EMCN: variants seen among roughly 807,000 people sequenced by gnomAD.
EMCN encodes the protein endomucin.
EMCN carries 37 observed loss-of-function variants against 38.4 expected under a neutral mutation model. That is an observed-to-expected ratio of 0.96 (90% confidence interval 0.74 to 1.27). The LOEUF (loss-of-function observed/expected upper bound fraction) is 1.27. Ranked by LOEUF, EMCN falls within the 50% of genes most tolerant of loss-of-function variation. The probability of loss-of-function intolerance (pLI) is 0.00; values close to 1 mark genes in which losing one functional copy is unlikely to be tolerated. For missense variants in EMCN, 318 were observed against 302.8 expected, an observed-to-expected ratio of 1.05 and a Z score of -0.37; for synonymous variants, 95 against 100.8, an observed-to-expected ratio of 0.94 and a Z score of 0.35.
chr4:100,472,833 G>T (rs1003138521), intron 3 of EMCN, among the ~76,000 whole-genome samples: 2 of 151,614 alleles, frequency 1.3e-5, no homozygotes, highest in Non-Finnish European at 2.9e-5. Context: ...CATATTAGGT[G>T]GATGCAAATG....
intron 3 of EMCN, among the ~76,000 whole-genome samples, chr4:100,466,597 C>T (rs553019724): frequency 6.6e-6 from 1 of 152,164 alleles, no homozygotes; most frequent in Non-Finnish European, 1.5e-5. Flanking sequence ...AGTGTTAATC[C>T]TGCATATGAG....
chr4:100,421,557 T>C (rs1358199426), intron 7 of EMCN, among the ~76,000 whole-genome samples, 180 bp from the exon 8 acceptor site: 1 of 152,080 alleles, frequency 6.6e-6, no homozygotes, highest in East Asian at 1.9e-4. Context: ...ATCTTTGACA[T>C]AACCACTTGA....
At chr4:100,433,724 C>T (rs148931693) in intron 5 of EMCN, among the ~76,000 whole-genome samples, 4 of 151,860 alleles carry the variant, frequency 2.6e-5, no homozygotes, top group African/African-American at 7.2e-5. Flanking sequence ...TTAGTAGGGA[C>T]GGGGTTTCAC....
At chr4:100,511,895 T>C (rs541602918) in intron 1 of EMCN, among the ~76,000 whole-genome samples, 1 of 152,062 alleles carries the variant, frequency 6.6e-6, no homozygotes, top group African/African-American at 2.4e-5. Context: ...AGCAGGAATA[T>C]AAGAGAAAAG....
At chr4:100,460,132 G>T (rs1466104855) in intron 4 of EMCN, among the ~76,000 whole-genome samples, 6 of 152,116 alleles carry the variant, frequency 3.9e-5, no homozygotes, top group African/African-American at 1.4e-4. Flanking sequence ...CAGGTATGAG[G>T]TGATAACTCA....
chr4:100,464,665 C>G (rs769597100), intron 4 of EMCN, among the ~76,000 whole-genome samples: 1 of 151,968 alleles, frequency 6.6e-6, no homozygotes, highest in Non-Finnish European at 1.5e-5. Flanking sequence ...TGTTGTATTA[C>G]TTTCTTTGGT....
At chr4:100,401,659 C>A (rs1274777305) in intron 11 of EMCN, among the ~76,000 whole-genome samples, 1 of 152,138 alleles carries the variant, frequency 6.6e-6, no homozygotes, top group Non-Finnish European at 1.5e-5. Context: ...ATCAGGGCAC[C>A]ATTAAGAAAA....
chr4:100,461,928 G>A (rs531970645), intron 4 of EMCN, among the ~76,000 whole-genome samples: 271 of 152,254 alleles, frequency 1.8e-3, no homozygotes, highest in Non-Finnish European at 3.2e-3. Context: ...TCTCTGTCCT[G>A]TATCCACTAA....
intron 1 of EMCN, among the ~76,000 whole-genome samples, chr4:100,503,607 T>G (rs1489892756): frequency 6.6e-6 from 1 of 152,010 alleles, no homozygotes; most frequent in Non-Finnish European, 1.5e-5. Flanking sequence ...AAGACAGGGT[T>G]TTGCTCTGTC....
At chr4:100,481,799 A>T (rs1407747279) in intron 1 of EMCN, among the ~76,000 whole-genome samples, 1 of 152,072 alleles carries the variant, frequency 6.6e-6, no homozygotes, top group Non-Finnish European at 1.5e-5. Flanking sequence ...CCTAAATAGT[A>T]ACATTCTTAA....
chr4:100,495,876 G>A (rs1031327380), intron 1 of EMCN, among the ~76,000 whole-genome samples: 1 of 151,946 alleles, frequency 6.6e-6, no homozygotes, highest in African/African-American at 2.4e-5. Flanking sequence ...TGAATAGCTA[G>A]AATCATCAAA....
At chr4:100,441,779 C>T (rs978434395) in intron 5 of EMCN, among the ~76,000 whole-genome samples, 2 of 152,064 alleles carry the variant, frequency 1.3e-5, no homozygotes, top group Non-Finnish European at 2.9e-5. Context: ...TATACATTTA[C>T]CTTTCCCCTC....
At chr4:100,494,787 CTT>C (rs143538440) in intron 1 of EMCN, among the ~76,000 whole-genome samples, 2 of 147,404 alleles carry the variant, frequency 1.4e-5, no homozygotes, top group African/African-American at 2.5e-5. Context: ...ACTTGTTATA[CTT>C]TTTTTTTTGC....
intron 8 of EMCN, among the ~76,000 whole-genome samples, chr4:100,419,178 A>G (rs1260050799): frequency 6.6e-6 from 1 of 152,100 alleles, no homozygotes; most frequent in African/African-American, 2.4e-5. Flanking sequence ...TTATTTGGTT[A>G]AAGTTCAGTC....
At chr4:100,515,435 C>A (rs992009410) in intron 1 of EMCN, among the ~76,000 whole-genome samples, 5 of 151,934 alleles carry the variant, frequency 3.3e-5, no homozygotes, top group Admixed American at 1.3e-4. Flanking sequence ...TACCACCAAC[C>A]AAGTAATAAA....
chr4:100,477,644 A>T lies in EMCN; in HGVS notation c.187+2273T>A, dbSNP rs571797584. Among the ~76,000 whole-genome samples the T allele has an allele frequency of 2.4e-4, 37 of 152,356 alleles. No individual in the cohort carries two copies. In the South Asian group the frequency reaches 7.7e-3, roughly 32 times the overall value. On this transcript the variant is annotated intron_variant, in intron 2 of 11. Coordinates refer to ENST00000296420, the MANE Select transcript of EMCN (RefSeq NM_016242.4). Reference sequence around the variant, plus strand: ...CTAGACCAATGATCTTTTGACCTTTAAACAAAAGAATTCTGATTAGGAAGC... The same window carrying T: ...CTAGACCAATGATCTTTTGACCTTTTAACAAAAGAATTCTGATTAGGAAGC...
chr4:100,444,499 T>C (rs1053637660), intron 5 of EMCN, among the ~76,000 whole-genome samples: 1 of 152,066 alleles, frequency 6.6e-6, no homozygotes, highest in African/African-American at 2.4e-5. Flanking sequence ...TTGAGGGGCA[T>C]GACTGCTCTG....
chr4:100,423,911 T>A (rs1726971090), intron 5 of EMCN, among the ~76,000 whole-genome samples: 1 of 152,122 alleles, frequency 6.6e-6, no homozygotes, highest in Non-Finnish European at 1.5e-5. Context: ...AGAAGACTCC[T>A]TCATTTTCAT....
intron 5 of EMCN, among the ~76,000 whole-genome samples, chr4:100,438,795 G>T (rs138563444): frequency 3.3e-5 from 5 of 151,692 alleles, no homozygotes; most frequent in Admixed American, 6.6e-5. Context: ...TTTTAATCAA[G>T]AATTGATGTT....
Sources: gnomAD v4.1 joint callset for allele counts (sites outside exome capture counted in the v4.1 genomes callset) on GRCh38, gnomAD v4.1.1 for gene constraint, MANE v1.5 for transcripts, NCBI Gene and HGNC (gene_info 2026-07-23, HGNC 2026-07-21) for gene names.